SUGCT: variants seen among roughly 807,000 people sequenced by gnomAD.
The protein encoded by SUGCT is succinyl-CoA:glutarate CoA-transferase.
In SUGCT, 41 loss-of-function variants were observed where a neutral mutation model predicts 55.0. The observed-to-expected ratio is 0.74, with a 90% CI of 0.58 to 0.97. The LOEUF is 0.97. Ranked by LOEUF, SUGCT falls within the 50% of genes least tolerant of loss-of-function variation. The pLI is 0.00. For synonymous variants in SUGCT, 187 were observed against 200.4 expected (o/e 0.93, Z 0.56); for missense variants, 568 against 547.8 (o/e 1.04, Z -0.37).
chr7:40,214,799 A>G (rs1387926037), intron 6 of SUGCT, among the ~76,000 whole-genome samples: 2 of 152,090 alleles, frequency 1.3e-5, no homozygotes, highest in East Asian at 3.9e-4. Flanking sequence ...CTGTAGTCCC[A>G]GCTACTCAGG....
intron 3 of SUGCT, among the ~76,000 whole-genome samples, chr7:40,186,013 T>G (rs1785480977): frequency 1.3e-5 from 2 of 152,148 alleles, no homozygotes; most frequent in African/African-American, 2.4e-5. Context: ...AAAACTAGTT[T>G]CATTTTATAT....
intron 9 of SUGCT, chr7:40,388,298 T>G (rs1413001259): frequency 6.6e-6 from 1 of 152,180 alleles, no homozygotes; most frequent in Non-Finnish European, 1.5e-5. Flanking sequence ...TGTAATAGGT[T>G]GCATTTTCTT....
chr7:40,681,775 G>C (rs1374656269), intron 12 of SUGCT, among the ~76,000 whole-genome samples: 1 of 152,152 alleles, frequency 6.6e-6, no homozygotes, highest in African/African-American at 2.4e-5. Flanking sequence ...CTCATTTGTG[G>C]CTGGTTCAGG....
At chr7:40,464,803 G>A (rs984290916) in intron 11 of SUGCT, among the ~76,000 whole-genome samples, 4 of 152,188 alleles carry the variant, frequency 2.6e-5, no homozygotes, top group Non-Finnish European at 5.9e-5. Context: ...ACTCTGTTGC[G>A]ATGTTGTGCA....
At chr7:40,853,846 G>A (rs1478179811) in intron 13 of SUGCT, among the ~76,000 whole-genome samples, 1 of 152,174 alleles carries the variant, frequency 6.6e-6, no homozygotes, top group South Asian at 2.1e-4. Context: ...CAGTCATAGC[G>A]AATATCTAAG....
At chr7:40,950,781 A>C in the SUGCT span, among the ~76,000 whole-genome samples, 9 of 152,100 alleles carry the variant, frequency 5.9e-5, no homozygotes, top group Admixed American at 2.0e-4. Flanking sequence ...GTATGTTGAA[A>C]CAGCCTTGCA....
intron 12 of SUGCT, among the ~76,000 whole-genome samples, chr7:40,626,008 A>G (rs1799509613): frequency 1.3e-5 from 2 of 152,222 alleles, no homozygotes; most frequent in African/African-American, 4.8e-5. Flanking sequence ...AACTAATGGT[A>G]AAAGTTAAGC....
intron 9 of SUGCT, among the ~76,000 whole-genome samples, chr7:40,324,944 AC>A (rs1235555843): frequency 1.3e-5 from 2 of 152,232 alleles, no homozygotes; most frequent in Non-Finnish European, 2.9e-5. Context: ...GTTGAAGAAA[AC>A]AATTATTTAC....
At chr7:40,863,154 T>G (rs1346477084), downstream of SUGCT, among the ~76,000 whole-genome samples, 1 of 152,152 alleles carries the variant, frequency 6.6e-6, no homozygotes, top group Non-Finnish European at 1.5e-5. Context: ...GAGAATCACT[T>G]GAACCTCCTG....
chr7:40,219,417 T>C (rs1490564641), intron 6 of SUGCT, among the ~76,000 whole-genome samples: 2 of 152,220 alleles, frequency 1.3e-5, no homozygotes, highest in African/African-American at 2.4e-5. Context: ...TATTATTTGC[T>C]CTTTGGAGAA....
At chr7:40,944,031 T>C in the SUGCT span, among the ~76,000 whole-genome samples, 10 of 151,926 alleles carry the variant, frequency 6.6e-5, no homozygotes, top group African/African-American at 2.2e-4. Flanking sequence ...TGATGGCCAG[T>C]GATGATGAGC....
chr7:40,853,892 C>T (rs188812511), intron 13 of SUGCT, among the ~76,000 whole-genome samples: 12 of 152,276 alleles, frequency 7.9e-5, no homozygotes, highest in South Asian at 6.2e-4. Context: ...CATTTTATAG[C>T]GACCATGAAA....
intron 9 of SUGCT, among the ~76,000 whole-genome samples, chr7:40,417,851 CATT>C (rs1249629226): frequency 6.6e-6 from 1 of 151,556 alleles, no homozygotes; most frequent in Non-Finnish European, 1.5e-5. Flanking sequence ...GTTAATTTCT[CATT>C]ACATTTTTAT....
chr7:40,606,004 C>T (rs1272438844), intron 12 of SUGCT, among the ~76,000 whole-genome samples: 2 of 152,050 alleles, frequency 1.3e-5, no homozygotes, highest in African/African-American at 4.8e-5. Flanking sequence ...CGTATTCAGT[C>T]GGAGAAGGCA....
chr7:40,710,196 A>G (rs770160257), intron 12 of SUGCT, among the ~76,000 whole-genome samples: 28 of 152,216 alleles, frequency 1.8e-4, no homozygotes, highest in South Asian at 6.2e-4. Flanking sequence ...GTTATGAAAC[A>G]TTCTCTGCAT....
intron 12 of SUGCT, among the ~76,000 whole-genome samples, chr7:40,521,032 A>G (rs968795226): frequency 1.2e-4 from 18 of 152,160 alleles, no homozygotes; most frequent in African/African-American, 4.3e-4. Flanking sequence ...TGGGGAATAC[A>G]GGTGAAAACA....
intron 12 of SUGCT, chr7:40,499,016 G>A (rs1454848922): frequency 2.2e-6 from 1 of 451,768 alleles, no homozygotes; most frequent in Admixed American, 2.4e-5. Flanking sequence ...TCCGTTTAAG[G>A]TATCCTCCCT....
intron 13 of SUGCT, among the ~76,000 whole-genome samples, chr7:40,834,217 C>T (rs1382772613): frequency 8.0e-6 from 1 of 124,256 alleles, no homozygotes; most frequent in African/African-American, 3.2e-5. Context: ...GTTGAACTGA[C>T]TTGTGAATGG....
chr7:40,547,316 A>G (rs1018965511), intron 12 of SUGCT, among the ~76,000 whole-genome samples: 6 of 152,222 alleles, frequency 3.9e-5, no homozygotes, highest in African/African-American at 1.4e-4. Flanking sequence ...TCTTCCAACA[A>G]CAAACTCACA....
Sources: gnomAD v4.1 joint callset for allele counts (sites outside exome capture counted in the v4.1 genomes callset) on GRCh38, gnomAD v4.1.1 for gene constraint, MANE v1.5 for transcripts, NCBI Gene and HGNC (gene_info 2026-07-23, HGNC 2026-07-21) for gene names.